Variants in FHDC1 observed in about 807,000 individuals in gnomAD.
FHDC1 encodes the protein FH2 domain-containing protein 1.
Under a neutral mutation model 52.6 loss-of-function variants are expected in FHDC1, and 25 were observed. The ratio of observed to expected loss-of-function variants is 0.48; its 90% CI spans 0.35 to 0.66. The LOEUF (loss-of-function observed/expected upper bound fraction) is 0.66, where lower values mean the gene tolerates loss of function less well. FHDC1 is among the 30% of genes least tolerant of loss of function. FHDC1 has a pLI of 0.01. For synonymous variants in FHDC1, 616 were observed against 581.5 expected (o/e 1.06, Z -0.85); for missense variants, 1,459 against 1,452.8 (o/e 1.00, Z -0.07).
the FHDC1 span, among the ~76,000 whole-genome samples, chr4:152,920,826 G>A: frequency 2.6e-5 from 4 of 151,078 alleles, no homozygotes; most frequent in South Asian, 6.3e-4. Context: ...TTGTTCTACC[G>A]AATTCTTTAG....
the FHDC1 span, among the ~76,000 whole-genome samples, chr4:152,924,453 G>A: frequency 2.6e-5 from 4 of 152,138 alleles, no homozygotes; most frequent in East Asian, 1.9e-4. Context: ...TCAGTGTGGC[G>A]ATTCCTCAGG....
the FHDC1 span, chr4:152,927,869 G>T: frequency 7.1e-7 from 1 of 1,399,896 alleles, no homozygotes; most frequent in Admixed American, 1.7e-5. Context: ...GAAGCCCTTA[G>T]AAACCAAGAA....
At chr4:152,952,974 A>T (rs1739972872) in intron 2 of FHDC1, among the ~76,000 whole-genome samples, 1 of 152,112 alleles carries the variant, frequency 6.6e-6, no homozygotes, top group Non-Finnish European at 1.5e-5. Context: ...TCTACAAAAC[A>T]TACAAAATTT....
At chr4:152,919,902 CAT>C in the FHDC1 span, among the ~76,000 whole-genome samples, 1 of 145,856 alleles carries the variant, frequency 6.9e-6, no homozygotes, top group South Asian at 2.3e-4. Context: ...AGTCTACAAA[CAT>C]GGCTTTCTGG....
Position 152,943,134 on chromosome 4 carries a change from T to C in FHDC1, c.77T>C (p.Ile26Thr). The C allele has an allele frequency of 6.2e-7, 1 of 1,614,080 alleles. No homozygotes were observed. Among genetic ancestry groups the C allele is most frequent in the Non-Finnish European group, 8.5e-7 (1 of 1,180,000 alleles). The part of the protein sequence containing the change: ...GNIATAPGFM[I>T]GQTPPPAPPP... ...ATTGCCACAGCACCTGGATTCATGA[T>C]TGGGCAGACACCTCCTCCAGCACCT... is the stretch of plus-strand genomic sequence containing the variant. The change falls in exon 2 of 12, where the codon ATT (isoleucine) becomes ACT (threonine). Residue 26 changes from isoleucine (I) to threonine (T), a missense_variant. This residue lies in a region of FHDC1 where 513 missense variants were observed against 581.5 expected (regional missense o/e 0.88). Transcript: ENST00000511601.
the FHDC1 span, among the ~76,000 whole-genome samples, chr4:152,920,928 TAA>T: frequency 5.3e-5 from 8 of 152,102 alleles, no homozygotes; most frequent in South Asian, 2.1e-4. Context: ...TGATCATATA[TAA>T]GTTTTTTCCT....
chr4:152,937,559 A>T (rs1739427317), intron 1 of FHDC1, among the ~76,000 whole-genome samples: 1 of 151,776 alleles, frequency 6.6e-6, no homozygotes, highest in Non-Finnish European at 1.5e-5. Flanking sequence ...CAGCAGCTGC[A>T]GCCGCCGGAC....
chr4:152,942,438 C>T (rs1739598423), intron 1 of FHDC1, among the ~76,000 whole-genome samples: 1 of 152,154 alleles, frequency 6.6e-6, no homozygotes, highest in South Asian at 2.1e-4. Flanking sequence ...ATATCATCTC[C>T]AAATGCCCTG....
chr4:152,971,289 A>G (rs1175673651), intron 10 of FHDC1, among the ~76,000 whole-genome samples: 2 of 152,184 alleles, frequency 1.3e-5, no homozygotes, highest in African/African-American at 4.8e-5. Flanking sequence ...CCAGGAGGTC[A>G]AGGGTGCAGT....
the FHDC1 span, chr4:152,927,599 C>G: frequency 1.2e-6 from 2 of 1,606,124 alleles, no homozygotes; most frequent in Admixed American, 1.7e-5. Context: ...TTATGACCCT[C>G]GATCTCTATA....
rs1312815528 is a variant in FHDC1 at position 152,963,036 on chromosome 4, G to T, written c.935G>T (p.Gly312Val). Reference protein sequence around the residue: ...GNIMNAGGYAGNAVGFKLSSL... With the variant: ...GNIMNAGGYAVNAVGFKLSSL... ...TGTCTTCTTTAGGGAGGGTATGCCG[G>T]CAATGCAGTAGGATTTAAACTGTCT... The change falls in exon 8 of 12, where the codon GGC becomes GTC. Residue 312 changes from glycine to valine, a missense_variant. Gly to Val is a moderately radical substitution (Grantham distance 109, BLOSUM62 -3). Transcript: ENST00000511601. 1 of 1,613,108 alleles carries T rather than the reference G, an allele frequency of 6.2e-7. No individual in the cohort carries two copies. The highest frequency in any genetic ancestry group is 8.5e-7 in the Non-Finnish European group (1 of 1,179,858).
intron 9 of FHDC1, among the ~76,000 whole-genome samples, chr4:152,967,737 A>T (rs979333392): frequency 6.6e-6 from 1 of 152,232 alleles, no homozygotes; most frequent in African/African-American, 2.4e-5. Flanking sequence ...GGTTTTGTTT[A>T]TCTTACCATC....
chr4:152,964,196 G>T (rs1308276801), intron 8 of FHDC1, among the ~76,000 whole-genome samples: 1 of 152,112 alleles, frequency 6.6e-6, no homozygotes, highest in Non-Finnish European at 1.5e-5. Context: ...TCAATGTTTG[G>T]CCTATGGTGA....
In FHDC1 at chr4:152,969,252, C is replaced by G. The variant is rs180699954; in HGVS notation, c.1218+1155C>G. ...GCTCCTGAGGTTGTGCCAGCTGAAGCCTTCGCTTCTTAATTCAGCTCCTTC... is the reference window on the plus strand; with the variant it reads ...GCTCCTGAGGTTGTGCCAGCTGAAGGCTTCGCTTCTTAATTCAGCTCCTTC... On this transcript the variant is annotated intron_variant, in intron 10 of 11. Coordinates refer to ENST00000511601, the MANE Select transcript of FHDC1 (RefSeq NM_001371116.1). Among the ~76,000 whole-genome samples the G allele has an allele frequency of 1.4e-3, 218 of 152,314 alleles. 1 individual carries two copies. Among genetic ancestry groups the G allele is most frequent in the African/African-American group, 5.0e-3 (209 of 41,568 alleles).
the FHDC1 span, chr4:152,927,875 A>G: frequency 7.2e-7 from 1 of 1,389,620 alleles, no homozygotes. Flanking sequence ...CTTAGAAACC[A>G]AGAACAAGTT....
At chr4:152,966,992 C>T (rs539807825) in intron 9 of FHDC1, among the ~76,000 whole-genome samples, 1 of 152,190 alleles carries the variant, frequency 6.6e-6, no homozygotes, top group South Asian at 2.1e-4. Flanking sequence ...TGGTGGCGCA[C>T]ACCTGTGATC....
At chr4:152,938,189 G>GCT (rs1293431509) in intron 1 of FHDC1, among the ~76,000 whole-genome samples, 1 of 115,614 alleles carries the variant, frequency 8.6e-6, no homozygotes, top group Non-Finnish European at 1.9e-5. Context: ...GCACGCATGT[G>GCT]CTTTTTTTTT....
At chr4:152,926,267 GACACACACACAC>G in the FHDC1 span, among the ~76,000 whole-genome samples, 393 of 144,450 alleles carry the variant, frequency 2.7e-3, 1 homozygote, top group Non-Finnish European at 4.7e-3. Flanking sequence ...TTAAAATACA[GACACACACACAC>G]ACACACACAC....
upstream of FHDC1, among the ~76,000 whole-genome samples, chr4:152,935,546 C>A (rs1006759587): frequency 6.6e-6 from 1 of 152,128 alleles, no homozygotes; most frequent in Admixed American, 6.5e-5. Context: ...TTCGATGAGG[C>A]CTGGCAAAAT....
Sources: allele counts gnomAD v4.1 joint callset (sites outside exome capture counted in the v4.1 genomes callset), GRCh38; gene constraint gnomAD v4.1.1; regional missense constraint gnomAD v4.1.1; transcripts MANE v1.5; gene names NCBI Gene and HGNC (gene_info 2026-07-23, HGNC 2026-07-21).